Variants in FAT3 observed in about 807,000 individuals in gnomAD.
FAT3 encodes protocadherin Fat 3.
FAT3 carries 95 observed loss-of-function variants against 310.2 expected under a neutral mutation model. The ratio of observed to expected loss-of-function variants is 0.31; its 90% CI spans 0.26 to 0.36. The LOEUF (loss-of-function observed/expected upper bound fraction) is 0.36, where lower values mean the gene tolerates loss of function less well. Ranked by LOEUF, FAT3 falls within the 10% of genes least tolerant of loss-of-function variation. FAT3 has a pLI of 1.00. For synonymous variants in FAT3, 2,314 were observed against 2,192.9 expected, an observed-to-expected ratio of 1.06 and a Z score of -1.54; for missense variants, 5,408 against 5,715.6, an observed-to-expected ratio of 0.95 and a Z score of 1.74.
rs1946489413 is a variant in FAT3 at position 92,283,720 on chromosome 11, G to T, written c.-18+58546G>T. ...TTTTCTGGAAGCATTTGTTAAAGTGGCCCGTGCATAAAGTGAGATCCACAG... is the reference window on the plus strand; with the variant it reads ...TTTTCTGGAAGCATTTGTTAAAGTGTCCCGTGCATAAAGTGAGATCCACAG... On this transcript the variant is annotated intron_variant, in intron 1 of 27. Transcript: ENST00000525166. 2.0e-5 allele frequency among the ~76,000 whole-genome samples: 3 copies of T among 152,126 alleles called. No homozygotes were observed. In the South Asian group the frequency reaches 6.2e-4, roughly 32 times the overall value.
At chr11:92,668,923 T>C (rs1239175693) in intron 3 of FAT3, among the ~76,000 whole-genome samples, 2 of 152,178 alleles carry the variant, frequency 1.3e-5, no homozygotes, top group Non-Finnish European at 2.9e-5. Context: ...AGGAATCTCT[T>C]TCTTAGGGAT....
At chr11:92,554,189 G>A (rs1457906072) in intron 3 of FAT3, among the ~76,000 whole-genome samples, 2 of 151,796 alleles carry the variant, frequency 1.3e-5, no homozygotes, top group Non-Finnish European at 2.9e-5. Context: ...GAGGCCGGGC[G>A]CAGTGGCTCA....
At chr11:92,703,507 G>A (rs1418300343) in intron 4 of FAT3, among the ~76,000 whole-genome samples, 3 of 152,146 alleles carry the variant, frequency 2.0e-5, no homozygotes, top group Non-Finnish European at 4.4e-5. Flanking sequence ...CATGGAGCAG[G>A]CATCAGCGTC....
chr11:92,323,043 A>C (rs1947665051), intron 1 of FAT3, among the ~76,000 whole-genome samples: 1 of 152,218 alleles, frequency 6.6e-6, no homozygotes, highest in African/African-American at 2.4e-5. Flanking sequence ...TGGCAACTAT[A>C]GCCATTTGAA....
At chr11:92,337,484 T>C (rs1455585656) in intron 1 of FAT3, among the ~76,000 whole-genome samples, 1 of 152,188 alleles carries the variant, frequency 6.6e-6, no homozygotes, top group Non-Finnish European at 1.5e-5. Context: ...CAGGCTGGAG[T>C]GCAATGGTGA....
chr11:92,490,357 G>T (rs1420694405), intron 2 of FAT3, among the ~76,000 whole-genome samples: 2 of 152,080 alleles, frequency 1.3e-5, no homozygotes, highest in African/African-American at 4.8e-5. Context: ...ACTGGAAAGA[G>T]GTCTGTTATT....
In FAT3 at chr11:92,883,341, C is replaced by G. The variant is rs2136418147; in HGVS notation, c.12885C>G (p.Cys4295Trp). 1 of 1,610,178 alleles carries G rather than the reference C, an allele frequency of 6.2e-7. No homozygotes were observed. Among genetic ancestry groups the G allele is most frequent in the Non-Finnish European group, 8.5e-7 (1 of 1,178,294 alleles). Residue 4295 changes from cysteine (C) to tryptophan (W), a missense_variant, in exon 24 of 28, where the codon TGC becomes TGG. Cys to Trp is a radical substitution (Grantham distance 215). Around this residue, in one of 5 missense-constraint regions of FAT3, gnomAD observed 649 missense variants for 666.2 expected, o/e 0.97. Transcript: ENST00000525166. This position sits in a 1 kb window ranked among gnomAD's most constrained non-coding sequence, Gnocchi z 4.2. ...VAPNLPAVSP[C>W]RSDCDSIRKN... ...CCAACCTCCCCGCCGTGTCACCCTG[C>G]CGCTCCGACTGCGACTCCATCCGGA...
At chr11:92,509,184 A>C (rs1251149607) in intron 2 of FAT3, among the ~76,000 whole-genome samples, 1 of 152,146 alleles carries the variant, frequency 6.6e-6, no homozygotes, top group East Asian at 1.9e-4. Flanking sequence ...TAGTATTTTT[A>C]ATTTTTGTGT....
intron 4 of FAT3, among the ~76,000 whole-genome samples, chr11:92,702,483 G>T (rs1379813123): frequency 6.6e-6 from 1 of 152,132 alleles, no homozygotes; most frequent in Non-Finnish European, 1.5e-5. Context: ...GGAAAATGGG[G>T]TTAATAAACT....
chr11:92,412,656 C>G (rs1173680097), intron 2 of FAT3, among the ~76,000 whole-genome samples: 5 of 124,354 alleles, frequency 4.0e-5, no homozygotes, highest in African/African-American at 1.4e-4. Context: ...ATTTTATCTT[C>G]TTATGTTTTC....
intron 3 of FAT3, among the ~76,000 whole-genome samples, chr11:92,563,364 T>C (rs1955303316): frequency 6.6e-6 from 1 of 152,198 alleles, no homozygotes; most frequent in South Asian, 2.1e-4. Context: ...GATCATGTAC[T>C]CTTATAAGTA....
Position 92,681,825 on chromosome 11 carries a change from GAA to G in FAT3, c.3608-15558_3608-15557del, listed in dbSNP as rs775568052. ...CAGCACATCAAATTTGCACTTTTCT[GAA>G]GCAGTATCAGTGTGGGAGGGAGGAG... On this transcript the variant is annotated intron_variant, in intron 3 of 27. Coordinates refer to ENST00000525166, the MANE Select transcript of FAT3 (RefSeq NM_001367949.2). Among the ~76,000 whole-genome samples, 17 of 152,304 alleles carry G rather than the reference GAA, an allele frequency of 1.1e-4. No homozygotes were observed. In the East Asian group the frequency reaches 2.7e-3, roughly 24 times the overall value.
intron 1 of FAT3, among the ~76,000 whole-genome samples, chr11:92,334,296 A>G (rs1947997613): frequency 6.6e-6 from 1 of 152,134 alleles, no homozygotes; most frequent in Non-Finnish European, 1.5e-5. Flanking sequence ...GGACCCCTTG[A>G]GCCTGGGAGT....
At chr11:92,889,117 G>A (rs1949858168) in intron 25 of FAT3, 72 bp from the exon 26 acceptor site, 2 of 642,164 alleles carry the variant, frequency 3.1e-6, no homozygotes, top group South Asian at 1.8e-5. Flanking sequence ...GTTAAAATAA[G>A]GTGTGTTTAA....
At chr11:92,295,255 A>G (rs1946819199) in intron 1 of FAT3, among the ~76,000 whole-genome samples, 1 of 152,130 alleles carries the variant, frequency 6.6e-6, no homozygotes, top group Non-Finnish European at 1.5e-5. Flanking sequence ...GGGATGAAAA[A>G]TGTCGTTCAA....
chr11:92,335,231 A>C lies in FAT3; in HGVS notation c.-17-16865A>C, dbSNP rs1321314765. 2.6e-5 allele frequency among the ~76,000 whole-genome samples: 4 copies of C among 152,146 alleles called. No individual in the cohort carries two copies. The East Asian group carries it at 7.7e-4, about 29-fold the overall frequency. ...TTTTGTTAAAAAAAAAAAAAAAGGA[A>C]AAATAATCCCCACCTATCTTTCCCT... On this transcript the variant is annotated intron_variant, in intron 1 of 27. Coordinates refer to ENST00000525166, the MANE Select transcript of FAT3 (RefSeq NM_001367949.2).
intron 3 of FAT3, among the ~76,000 whole-genome samples, chr11:92,567,904 G>C (rs541298736): frequency 4.1e-5 from 6 of 146,340 alleles, no homozygotes; most frequent in Non-Finnish European, 7.5e-5. Context: ...GGTTGGGGGA[G>C]GGGGGAGGGA....
intron 19 of FAT3, among the ~76,000 whole-genome samples, chr11:92,847,222 A>C (rs1948705577): frequency 6.6e-6 from 1 of 152,222 alleles, no homozygotes; most frequent in African/African-American, 2.4e-5. Context: ...TACGATTATA[A>C]TACCATATTT....
At chr11:92,566,087 A>G (rs987593955) in intron 3 of FAT3, among the ~76,000 whole-genome samples, 9 of 152,182 alleles carry the variant, frequency 5.9e-5, no homozygotes, top group African/African-American at 2.2e-4. Context: ...GAAAAGAGGA[A>G]GTCGAATTGT....
Sources: gnomAD v4.1 joint callset for allele counts (sites outside exome capture counted in the v4.1 genomes callset) on GRCh38, gnomAD v4.1.1 for gene constraint, gnomAD v4.1.1 regional missense constraint, Gnocchi (gnomAD v3.1) non-coding constraint, MANE v1.5 for transcripts, NCBI Gene and HGNC (gene_info 2026-07-23, HGNC 2026-07-21) for gene names.